CHEK1: variants seen among roughly 807,000 people sequenced by gnomAD.
The protein encoded by CHEK1 is serine/threonine-protein kinase Chk1.
Under a neutral mutation model 60.2 loss-of-function variants are expected in CHEK1, and 32 were observed. That is an observed-to-expected ratio of 0.53 (90% confidence interval 0.40 to 0.71). CHEK1 has a LOEUF of 0.71. Ranked by LOEUF, CHEK1 falls within the 30% of genes least tolerant of loss-of-function variation. CHEK1 has a pLI of 0.00. For synonymous variants in CHEK1, 179 were observed against 187.2 expected (o/e 0.96, Z 0.36); for missense variants, 399 against 564.6 (o/e 0.71, Z 2.97).
Position 125,653,977 on chromosome 11 carries a change from A to T in CHEK1, c.1335+130A>T. 1.9e-6 allele frequency: 1 copy of T among 529,198 alleles called. No homozygotes were observed. Among genetic ancestry groups the T allele is most frequent in the Non-Finnish European group, 3.3e-6 (1 of 304,326 alleles). The allele number at this position is 529,198 out of a possible 1,614,324, so 32.8% of individuals were successfully genotyped here. A position where few individuals can be genotyped will look rare whatever the true frequency, so the allele number is the denominator to read the frequency against. ...GCTTTTTTCGTTTAATATTATGAGC[A>T]TGTGTTTTCGTTATCTATTTTTCCC... On this transcript the variant is annotated intron_variant, in intron 12 of 12. Coordinates refer to ENST00000438015, the MANE Select transcript of CHEK1 (RefSeq NM_001114122.3). The surrounding 1 kb of genome is among the most constrained non-coding windows in gnomAD (Gnocchi z 4.3).
intron 13 of CHEK1, among the ~76,000 whole-genome samples, chr11:125,669,402 A>G (rs1942154499): frequency 1.3e-5 from 2 of 152,010 alleles, no homozygotes; most frequent in South Asian, 4.1e-4. Context: ...CAACATTTGT[A>G]TCAGTGTTCC....
chr11:125,643,652 T>C (rs1941387029), intron 8 of CHEK1, 140 bp from the exon 9 acceptor site: 4 of 604,784 alleles, frequency 6.6e-6, no homozygotes, highest in Non-Finnish European at 1.1e-5. Flanking sequence ...AGGAAGACTT[T>C]GTTTTATATC....
rs746249863 is a variant in CHEK1 at position 125,625,992 on chromosome 11, T to C, written c.-41T>C. Reference sequence around the variant, plus strand: ...AAGCGCTGCATTTGGATTCCTGCAGTGGTGGGCAAAGGACAGTCCGGTGAG... The same window carrying C: ...AAGCGCTGCATTTGGATTCCTGCAGCGGTGGGCAAAGGACAGTCCGGTGAG... On this transcript the variant is annotated 5_prime_UTR_variant, in exon 1 of 13. Transcript: ENST00000438015. 4 of 702,192 alleles carry C rather than the reference T, an allele frequency of 5.7e-6. No individual in the cohort carries two copies. The Admixed American group carries it at 6.0e-5, about 11-fold the overall frequency. 43.5% of individuals were successfully genotyped at this position (702,192 alleles called of 1,614,324 possible). A position where few individuals can be genotyped will look rare whatever the true frequency, so the allele number is the denominator to read the frequency against.
At chr11:125,661,324 A>G (rs953377343), downstream of CHEK1, among the ~76,000 whole-genome samples, 2 of 144,062 alleles carry the variant, frequency 1.4e-5, no homozygotes, top group African/African-American at 5.1e-5. Flanking sequence ...TTAGTATTTT[A>G]TTTTTGAGAC....
At chr11:125,678,015 T>C, downstream of CHEK1, 7 of 1,614,132 alleles carry the variant, frequency 4.3e-6, no homozygotes, top group South Asian at 7.7e-5. Context: ...TGAAGGCTGC[T>C]CACCTACAGT....
rs373491024 is a variant in CHEK1, at chr11:125,638,410, G to A, written c.814+866G>A. Among the ~76,000 whole-genome samples, 5 of 152,136 alleles carry A rather than the reference G, an allele frequency of 3.3e-5. No individual in the cohort carries two copies. In the East Asian group the frequency reaches 9.6e-4, roughly 29 times the overall value. ...AGAACTAGTATTGATAGGACTGTTA[G>A]GCTGTGAATGGAAGGAGAGAGGACA... On this transcript the variant is annotated intron_variant, in intron 8 of 12. Coordinates refer to ENST00000438015, the MANE Select transcript of CHEK1 (RefSeq NM_001114122.3).
intron 13 of CHEK1, among the ~76,000 whole-genome samples, chr11:125,675,240 C>T (rs1056102189): frequency 6.6e-6 from 1 of 152,304 alleles, no homozygotes; most frequent in East Asian, 1.9e-4. Flanking sequence ...TTTCTGAATA[C>T]CACCTTCTCC....
downstream of CHEK1, among the ~76,000 whole-genome samples, chr11:125,660,947 T>C (rs185477717): frequency 6.6e-6 from 1 of 152,172 alleles, no homozygotes; most frequent in East Asian, 1.9e-4. Flanking sequence ...GGCTAATTTT[T>C]GTATTTTTAG....
intron 13 of CHEK1, chr11:125,672,822 C>A: frequency 7.3e-7 from 1 of 1,376,162 alleles, no homozygotes; most frequent in Non-Finnish European, 9.8e-7. Context: ...AAGACCTCCA[C>A]TTGTCCATTA....
intron 13 of CHEK1, among the ~76,000 whole-genome samples, chr11:125,670,101 G>A (rs1942174701): frequency 6.6e-6 from 1 of 152,084 alleles, no homozygotes; most frequent in South Asian, 2.1e-4. Flanking sequence ...ACTAAACATG[G>A]TCTCCAATAT....
intron 6 of CHEK1, among the ~76,000 whole-genome samples, chr11:125,634,306 T>C (rs1940980430): frequency 6.6e-6 from 1 of 151,684 alleles, no homozygotes; most frequent in Non-Finnish European, 1.5e-5. Context: ...TGTGAGATAT[T>C]GTGTCTGTTT....
At chr11:125,668,326 T>G (rs962107759) in intron 13 of CHEK1, among the ~76,000 whole-genome samples, 1 of 152,210 alleles carries the variant, frequency 6.6e-6, no homozygotes, top group African/African-American at 2.4e-5. Context: ...GACCAGCTAT[T>G]TTGTATAATT....
chr11:125,666,904 G>A (rs969010074), intron 13 of CHEK1, among the ~76,000 whole-genome samples: 3 of 150,762 alleles, frequency 2.0e-5, no homozygotes. Context: ...CTTGTGGGCA[G>A]GATATAGTTG....
At chr11:125,680,646 G>T, downstream of CHEK1, 1 of 1,283,842 alleles carries the variant, frequency 7.8e-7, no homozygotes, top group Non-Finnish European at 1.1e-6. Context: ...GTGACTGAGA[G>T]ACTGGTCTTC....
At chr11:125,678,501 CAG>C (rs954723499), downstream of CHEK1, among the ~76,000 whole-genome samples, 2 of 152,156 alleles carry the variant, frequency 1.3e-5, no homozygotes, top group African/African-American at 4.8e-5. Context: ...GTGAAACAAA[CAG>C]AGGCCACCTC....
chr11:125,642,436 T>A (rs1409249089), intron 8 of CHEK1, among the ~76,000 whole-genome samples: 4 of 152,180 alleles, frequency 2.6e-5, no homozygotes, highest in African/African-American at 4.8e-5. Context: ...GTTTTTTTTC[T>A]ATTTTGCTCA....
At chr11:125,680,613 G>T, downstream of CHEK1, 1 of 920,538 alleles carries the variant, frequency 1.1e-6, no homozygotes, top group Non-Finnish European at 1.7e-6. Flanking sequence ...AGCTGCTCTT[G>T]ATTCTGACTC....
At chr11:125,627,931 T>A in intron 3 of CHEK1, 101 bp downstream of exon 3, 1 of 895,424 alleles carries the variant, frequency 1.1e-6, no homozygotes, top group Non-Finnish European at 1.6e-6. Context: ...AAATTGCTCA[T>A]GCAACTGTGA....
chr11:125,639,335 C>G (rs1355773471), intron 8 of CHEK1, among the ~76,000 whole-genome samples: 1 of 149,464 alleles, frequency 6.7e-6, no homozygotes, highest in Non-Finnish European at 1.5e-5. Flanking sequence ...TTCCCCACAT[C>G]TTTCTCTGTC....
Sources: gnomAD v4.1 joint callset for allele counts (sites outside exome capture counted in the v4.1 genomes callset) on GRCh38, gnomAD v4.1.1 for gene constraint, Gnocchi (gnomAD v3.1) non-coding constraint, MANE v1.5 for transcripts, NCBI Gene and HGNC (gene_info 2026-07-23, HGNC 2026-07-21) for gene names.